Variants in ANAPC1 observed in about 807,000 individuals in gnomAD.
ANAPC1 encodes anaphase promoting complex subunit 1, also known as anaphase-promoting complex subunit 1.
ANAPC1 carries 36 observed loss-of-function variants against 208.0 expected under a neutral mutation model. That is an observed-to-expected ratio of 0.17 (90% CI 0.13 to 0.23). The LOEUF is 0.23. Ranked by LOEUF, ANAPC1 falls within the 10% of genes least tolerant of loss-of-function variation. The pLI, the probability that ANAPC1 is intolerant of heterozygous loss-of-function variation, is 1.00. For synonymous variants in ANAPC1, 378 were observed against 695.2 expected, an observed-to-expected ratio of 0.54 and a Z score of 7.18; for missense variants, 942 against 2,011.6, an observed-to-expected ratio of 0.47 and a Z score of 10.17.
rs538590866 is a variant in ANAPC1, at chr2:111,873,387, C to A, written c.449G>T (p.Cys150Phe). The A allele has an allele frequency of 6.2e-7, 1 of 1,603,544 alleles. No homozygotes were observed. The highest frequency in any genetic ancestry group is 2.2e-5 in the East Asian group (1 of 44,696). ...KAYSSNEVEK[C>F]ICILQSSCIN... ...ACATGAGCTTTGCAATATACATATG[C>A]ATTTTTCTACTTCATTGCTACCTGA... Residue 150 changes from cysteine to phenylalanine, a missense_variant, in exon 5 of 48, where the codon TGC becomes TTC. Coordinates refer to ENST00000341068, the MANE Select transcript of ANAPC1 (RefSeq NM_022662.4).
Position 111,784,303 on chromosome 2 carries a change from C to T in ANAPC1, c.4995+20G>A. 1 of 1,614,038 alleles carries T rather than the reference C, an allele frequency of 6.2e-7. No homozygotes were observed. On this transcript the variant is annotated intron_variant, in intron 41 of 47. Transcript: ENST00000341068. ...TTGAATTGACCCCTTGGACCCAACT[C>T]CCGACCACACCCAGCTTACCTGCTT...
intron 38 of ANAPC1, among the ~76,000 whole-genome samples, chr2:111,790,537 C>T (rs560467464): frequency 1.3e-5 from 2 of 151,564 alleles, no homozygotes; most frequent in African/African-American, 4.9e-5. Flanking sequence ...TCAATAGCAG[C>T]GGGAAAAAAA....
chr2:111,834,529 G>GGTATC, intron 19 of ANAPC1, 75 bp downstream of exon 19: 1 of 848,598 alleles, frequency 1.2e-6, no homozygotes, highest in Non-Finnish European at 1.6e-6. Context: ...GTCCCTATAT[G>GGTATC]ATACAAGGTT....
At chr2:111,798,909 C>A (rs1398475270) in intron 34 of ANAPC1, among the ~76,000 whole-genome samples, 1 of 151,822 alleles carries the variant, frequency 6.6e-6, no homozygotes, top group East Asian at 1.9e-4. Flanking sequence ...TGGCGGGTGC[C>A]TGTAGTCCCA....
At chr2:111,767,324 C>T (rs562752197), downstream of ANAPC1, among the ~76,000 whole-genome samples, 1 of 151,466 alleles carries the variant, frequency 6.6e-6, no homozygotes, top group South Asian at 2.1e-4. Flanking sequence ...TGTTTTTCTG[C>T]AGCACTTCCC....
chr2:111,792,988 C>T (rs1558669608), intron 37 of ANAPC1, among the ~76,000 whole-genome samples: 1 of 152,138 alleles, frequency 6.6e-6, no homozygotes, highest in East Asian at 1.9e-4. Context: ...AAATATTTTC[C>T]CTGATTATGA....
chr2:111,792,519 C>G lies in ANAPC1; in HGVS notation c.4555G>C (p.Val1519Leu). 6.2e-7 allele frequency: 1 copy of G among 1,613,964 alleles called. No individual in the cohort carries two copies. The highest frequency in any genetic ancestry group is 8.5e-7 in the Non-Finnish European group (1 of 1,179,868). The change falls in exon 38 of 48, where the codon GTG (valine) becomes CTG (leucine). Residue 1519 changes from valine to leucine, a missense_variant. Coordinates refer to ENST00000341068, the MANE Select transcript of ANAPC1 (RefSeq NM_022662.4). ...PHNLETCLSV[V>L]LLSLAMVMAG... is the part of the protein sequence containing the mutation. ...ATGACCATGGCGAGAGACAGCAGCA[C>G]CACGCTCAGACAAGTTTCTAGGTTA...
intron 18 of ANAPC1, among the ~76,000 whole-genome samples, chr2:111,837,414 G>A (rs1460621466): frequency 6.6e-6 from 1 of 152,182 alleles, no homozygotes; most frequent in Non-Finnish European, 1.5e-5. Context: ...GAGGTCACGA[G>A]TTCAAGACCA....
At chr2:111,807,619 G>C (rs1678750580) in intron 29 of ANAPC1, among the ~76,000 whole-genome samples, 1 of 151,974 alleles carries the variant, frequency 6.6e-6, no homozygotes, top group African/African-American at 2.4e-5. Flanking sequence ...GTGAACCCGG[G>C]AGGCGGAGCT....
intron 24 of ANAPC1, among the ~76,000 whole-genome samples, chr2:111,823,460 A>G (rs576277168): frequency 6.4e-4 from 98 of 152,248 alleles, no homozygotes; most frequent in African/African-American, 2.3e-3. Context: ...ACAAAGACAC[A>G]GGTATAAAAA....
intron 18 of ANAPC1, 49 bp from the exon 19 acceptor site, chr2:111,834,921 TAA>T: frequency 7.6e-7 from 1 of 1,313,704 alleles, no homozygotes; most frequent in Non-Finnish European, 9.9e-7. Flanking sequence ...TACCTCCTTA[TAA>T]TATCATAAGA....
chr2:111,806,347 A>G (rs574440812), intron 29 of ANAPC1, among the ~76,000 whole-genome samples: 1,017 of 36,286 alleles, frequency 0.028, 47 homozygotes, highest in African/African-American at 0.081. Flanking sequence ...GATGGCCAAC[A>G]TGGTGAAACC....
intron 1 of ANAPC1, among the ~76,000 whole-genome samples, chr2:111,882,213 C>T (rs1254748982): frequency 1.3e-5 from 2 of 151,562 alleles, no homozygotes; most frequent in African/African-American, 4.8e-5. Context: ...AAAAAAAAAC[C>T]TCTAGACCTT....
intron 16 of ANAPC1, among the ~76,000 whole-genome samples, chr2:111,844,078 T>G (rs1306718569): frequency 3.9e-5 from 6 of 151,932 alleles, no homozygotes; most frequent in South Asian, 2.1e-4. Context: ...CGCCTTGGCC[T>G]CCCAAAGCAC....
chr2:111,879,237 C>A, intron 2 of ANAPC1, among the ~76,000 whole-genome samples: 1 of 152,150 alleles, frequency 6.6e-6, no homozygotes, highest in East Asian at 1.9e-4. Context: ...AAAAAGTACA[C>A]CTTCTCTATA....
intron 3 of ANAPC1, among the ~76,000 whole-genome samples, chr2:111,875,651 C>T (rs370987284): frequency 7.9e-5 from 12 of 152,110 alleles, no homozygotes; most frequent in Admixed American, 1.3e-4. Flanking sequence ...CAAAATTGAT[C>T]GCTTCCATTT....
At chr2:111,878,672 T>C (rs2311832) in intron 3 of ANAPC1, 138 bp downstream of exon 3, 1 of 1,315,638 alleles carries the variant, frequency 7.6e-7, no homozygotes, top group South Asian at 1.5e-5. Context: ...CTTCACATTA[T>C]ATTATGTCAT....
chr2:111,856,517 T>A, intron 13 of ANAPC1, 97 bp downstream of exon 13: 1 of 1,219,342 alleles, frequency 8.2e-7, no homozygotes, highest in Middle Eastern at 2.7e-4. Flanking sequence ...GACAGGAACA[T>A]AACAAATTTA....
intron 6 of ANAPC1, among the ~76,000 whole-genome samples, chr2:111,869,370 A>C (rs1682612336): frequency 6.6e-6 from 1 of 151,892 alleles, no homozygotes; most frequent in African/African-American, 2.4e-5. Context: ...CAGCCTCCCG[A>C]GTAGCTGGGA....
Sources: allele counts gnomAD v4.1 joint callset (sites outside exome capture counted in the v4.1 genomes callset), GRCh38; gene constraint gnomAD v4.1.1; transcripts MANE v1.5; gene names NCBI Gene and HGNC (gene_info 2026-07-23, HGNC 2026-07-21).